The following PRSS3 variants were observed in gnomAD, a reference collection of about 807,000 sequenced individuals.
PRSS3 encodes trypsin-3.
Under a neutral mutation model 20.8 loss-of-function variants are expected in PRSS3, and 14 were observed. That is an observed-to-expected ratio of 0.67 (90% CI 0.44 to 1.05). PRSS3 has a LOEUF of 1.05. Among genes scored for constraint, PRSS3 ranks in the 50% least tolerant of loss-of-function variants. The pLI is 0.00. For missense variants in PRSS3, 237 were observed against 306.4 expected, an observed-to-expected ratio of 0.77 and a Z score of 1.69; for synonymous variants, 91 against 117.6, an observed-to-expected ratio of 0.77 and a Z score of 1.46.
intron 1 of PRSS3, among the ~76,000 whole-genome samples, chr9:33,763,312 T>C (rs576495202): frequency 5.3e-5 from 8 of 152,242 alleles, no homozygotes; most frequent in Non-Finnish European, 1.0e-4. Context: ...ATTTTACTTT[T>C]AAGTATATTC....
At chr9:33,760,439 CAA>C (rs962166190) in intron 1 of PRSS3, among the ~76,000 whole-genome samples, 2 of 152,052 alleles carry the variant, frequency 1.3e-5, no homozygotes, top group African/African-American at 4.8e-5. Flanking sequence ...GTCCCTCTTC[CAA>C]ACTCCCTATT....
chr9:33,757,720 T>C (rs1823016389), intron 1 of PRSS3, among the ~76,000 whole-genome samples: 1 of 152,214 alleles, frequency 6.6e-6, no homozygotes, highest in African/African-American at 2.4e-5. Context: ...TAGTGCCTTA[T>C]GCATAATAGG....
chr9:33,784,467 T>C (rs1204652044), intron 1 of PRSS3, among the ~76,000 whole-genome samples: 5 of 152,226 alleles, frequency 3.3e-5, no homozygotes, highest in African/African-American at 1.2e-4. Flanking sequence ...GTCCAATAGA[T>C]GTAAAGGCTT....
intron 1 of PRSS3, among the ~76,000 whole-genome samples, chr9:33,751,697 C>T (rs1427111494): frequency 6.6e-6 from 1 of 152,148 alleles, no homozygotes; most frequent in African/African-American, 2.4e-5. Flanking sequence ...ATTTTACCTG[C>T]AATTTTACAC....
intron 1 of PRSS3, among the ~76,000 whole-genome samples, chr9:33,752,838 G>A (rs1045740958): frequency 6.6e-6 from 1 of 152,228 alleles, no homozygotes; most frequent in Admixed American, 6.5e-5. Flanking sequence ...CCTTCTGTAT[G>A]TGATGCAGAG....
At chr9:33,790,806 A>G (rs1250045850), upstream of PRSS3, among the ~76,000 whole-genome samples, 2 of 152,196 alleles carry the variant, frequency 1.3e-5, no homozygotes, top group African/African-American at 2.4e-5. Context: ...CTCCTGGAAT[A>G]TCACTCCAGG....
upstream of PRSS3, among the ~76,000 whole-genome samples, chr9:33,793,225 G>C (rs573571356): frequency 4.9e-3 from 638 of 129,538 alleles, 6 homozygotes; most frequent in Admixed American, 0.034. Flanking sequence ...CAAAAATCCC[G>C]TTCTCCAAAA....
intron 1 of PRSS3, among the ~76,000 whole-genome samples, chr9:33,751,557 A>C (rs1044565829): frequency 2.6e-5 from 4 of 152,178 alleles, no homozygotes; most frequent in African/African-American, 9.7e-5. Context: ...TAGCTCTCCT[A>C]AAAGTTGCAG....
At chr9:33,756,602 A>G (rs1206114130) in intron 1 of PRSS3, among the ~76,000 whole-genome samples, 4 of 152,098 alleles carry the variant, frequency 2.6e-5, no homozygotes, top group African/African-American at 9.7e-5. Flanking sequence ...AAAAAATCCC[A>G]TGTTTTTTAG....
At chr9:33,772,487 T>G (rs1229529140) in intron 1 of PRSS3, among the ~76,000 whole-genome samples, 1 of 152,196 alleles carries the variant, frequency 6.6e-6, no homozygotes, top group African/African-American at 2.4e-5. Flanking sequence ...TGGCTTAACC[T>G]TGTACTGTGA....
At chr9:33,760,144 A>T (rs558352289) in intron 1 of PRSS3, among the ~76,000 whole-genome samples, 2 of 151,620 alleles carry the variant, frequency 1.3e-5, no homozygotes, top group African/African-American at 4.8e-5. Flanking sequence ...CACATGGCTG[A>T]GTTAAGGATA....
chr9:33,773,248 G>C (rs921807686), intron 1 of PRSS3, among the ~76,000 whole-genome samples: 2 of 152,136 alleles, frequency 1.3e-5, no homozygotes, highest in African/African-American at 4.8e-5. Flanking sequence ...GAGAGAGGGA[G>C]GGAGGGAAGG....
chr9:33,761,465 G>A (rs1269165555), intron 1 of PRSS3, among the ~76,000 whole-genome samples: 2 of 152,160 alleles, frequency 1.3e-5, no homozygotes, highest in East Asian at 3.8e-4. Context: ...CCAGCACTTT[G>A]GGAGGTGGAG....
chr9:33,786,747 G>A (rs879016680), intron 1 of PRSS3: 17 of 765,634 alleles, frequency 2.2e-5, no homozygotes, highest in South Asian at 1.5e-4. Flanking sequence ...CCCATCAGCC[G>A]CCCAAACCTA....
chr9:33,798,665 AG>A, intron 4 of PRSS3, 43 bp downstream of exon 4: 1 of 1,613,332 alleles, frequency 6.2e-7, no homozygotes, highest in Non-Finnish European at 8.5e-7. Flanking sequence ...ACCGATACCC[AG>A]GCCCCACCGG....
chr9:33,752,875 C>T (rs1822758395), intron 1 of PRSS3, among the ~76,000 whole-genome samples: 1 of 152,248 alleles, frequency 6.6e-6, no homozygotes, highest in Non-Finnish European at 1.5e-5. Flanking sequence ...AAGGTACACA[C>T]CTGCATTCTC....
intron 4 of PRSS3, 163 bp downstream of exon 4, chr9:33,798,785 C>T: frequency 8.1e-7 from 1 of 1,238,648 alleles, no homozygotes; most frequent in South Asian, 1.4e-5. Context: ...TGCATTGCCC[C>T]CATGGAGAAA....
rs140535683 is a variant in PRSS3, at chr9:33,777,279, T to C, written c.-52-17467T>C. On this transcript the variant is annotated intron_variant, in intron 1 of 5. Transcript: ENST00000342836. The stretch of plus-strand genomic sequence containing the variant: ...ATTCATTGGCAGTAGAACTACATGA[T>C]AGTAAATGGCAATGGAATTCTCTTA... Among the ~76,000 whole-genome samples, 43 of 152,118 alleles carry C rather than the reference T, an allele frequency of 2.8e-4. 1 individual carries two copies. Among genetic ancestry groups the C allele is most frequent in the African/African-American group, 9.6e-4 (40 of 41,522 alleles).
At position 33,750,936 on chromosome 9, in the gene PRSS3, G is replaced by A; in HGVS notation, c.-53+209G>A. 1 of 1,221,720 alleles carries A rather than the reference G, an allele frequency of 8.2e-7. No homozygotes were observed. 75.7% of individuals were successfully genotyped at this position (1,221,720 alleles called of 1,614,324 possible). Reference sequence around the variant, plus strand: ...CCTCTAGGGGAGGACGGGAGGGGATGGAGGGCCCTGGTGTCGCAGAAGCCC... The same window carrying A: ...CCTCTAGGGGAGGACGGGAGGGGATAGAGGGCCCTGGTGTCGCAGAAGCCC... On this transcript the variant is annotated intron_variant, in intron 1 of 5. Coordinates refer to the PRSS3 transcript ENST00000342836. The surrounding 1 kb of genome is among the most constrained non-coding windows in gnomAD (Gnocchi z 4.8).
Sources: gnomAD v4.1 joint callset for allele counts (sites outside exome capture counted in the v4.1 genomes callset) on GRCh38, gnomAD v4.1.1 for gene constraint, Gnocchi (gnomAD v3.1) non-coding constraint, MANE v1.5 for transcripts, NCBI Gene and HGNC (gene_info 2026-07-23, HGNC 2026-07-21) for gene names.